Variants in RRBP1 observed in about 807,000 individuals in gnomAD.
The protein encoded by RRBP1 is ribosome binding protein 1, also known as ribosome-binding protein 1.
Under a neutral mutation model 165.2 loss-of-function variants are expected in RRBP1, and 94 were observed. That is an observed-to-expected ratio of 0.57 (90% CI 0.48 to 0.68). RRBP1 has a LOEUF of 0.68. Ranked by LOEUF, RRBP1 falls within the 30% of genes least tolerant of loss-of-function variation. RRBP1 has a pLI of 0.00. For synonymous variants in RRBP1, 680 were observed against 714.5 expected (o/e 0.95, Z 0.77); for missense variants, 1,676 against 1,763.0 (o/e 0.95, Z 0.88).
At chr20:17,633,411 C>A (rs769120529) in intron 8 of RRBP1, 49 bp downstream of exon 8, 2 of 1,586,114 alleles carry the variant, frequency 1.3e-6, no homozygotes, top group Non-Finnish European at 1.7e-6. Flanking sequence ...TGCAGACAGG[C>A]TTGCTGGGCA....
intron 3 of RRBP1, among the ~76,000 whole-genome samples, chr20:17,656,266 C>T (rs530044151): frequency 1.3e-5 from 2 of 152,328 alleles, no homozygotes; most frequent in South Asian, 4.1e-4. Context: ...GTTGGTGGCA[C>T]GTGTGGCCCT....
chr20:17,639,894 C>CA lies in RRBP1; in HGVS notation c.2184+1902dup, dbSNP rs11476981. Among the ~76,000 whole-genome samples, 418 of 98,672 alleles carry CA rather than the reference C, an allele frequency of 4.2e-3. 1 individual carries two copies. Among genetic ancestry groups the CA allele is most frequent in the African/African-American group, 5.8e-3 (147 of 25,374 alleles). The allele number at this position is 98,672 out of a possible 152,430, so 64.7% of individuals were successfully genotyped here. A position where few individuals can be genotyped will look rare whatever the true frequency, so the allele number is the denominator to read the frequency against. On this transcript the variant is annotated intron_variant, in intron 5 of 24. Coordinates refer to ENST00000377813, the MANE Select transcript of RRBP1 (RefSeq NM_001365613.2). ...GGCAATAACAGTGAAACTCCAGTCT[C>CA]AAAAAAAAAAAAAAAAAAAAGAATA...
intron 2 of RRBP1, among the ~76,000 whole-genome samples, chr20:17,669,893 T>G (rs2036944142): frequency 1.3e-5 from 2 of 152,236 alleles, no homozygotes; most frequent in African/African-American, 4.8e-5. Context: ...CAGTTTTGTT[T>G]CTTTCTTCCC....
intron 12 of RRBP1, among the ~76,000 whole-genome samples, chr20:17,625,047 G>A (rs1487686829): frequency 6.6e-6 from 1 of 152,182 alleles, no homozygotes; most frequent in Non-Finnish European, 1.5e-5. Context: ...CAAGGCCAGG[G>A]CCTGCCTTGG....
At chr20:17,620,454 T>G (rs761937352) in intron 17 of RRBP1, 84 bp from the exon 18 acceptor site, 5 of 1,286,984 alleles carry the variant, frequency 3.9e-6, no homozygotes, top group East Asian at 2.3e-5. Context: ...CGAGCGGGAC[T>G]GACCCAACTT....
intron 2 of RRBP1, among the ~76,000 whole-genome samples, chr20:17,662,527 C>A (rs191682389): frequency 1.5e-4 from 23 of 152,240 alleles, no homozygotes; most frequent in African/African-American, 5.3e-4. Context: ...CTCATGGAGG[C>A]CTTTGAATCC....
rs75016100 is a variant in RRBP1, at chr20:17,635,676, C to T, written c.2338-12G>A. ...TGAAGAGTCCGGATCTGGAAAGTCA[C>T]GGGCAAGGGCATCAGAGGCAGCTCG... On this transcript the variant is annotated splice_polypyrimidine_tract_variant and intron_variant, in intron 6 of 24. Coordinates refer to ENST00000377813, the MANE Select transcript of RRBP1 (RefSeq NM_001365613.2). 3.2e-3 allele frequency: 5,096 copies of T among 1,605,400 alleles called. 158 individuals are homozygous for T. The African/African-American group carries it at 0.061, about 19-fold the overall frequency.
chr20:17,669,503 T>C (rs1002319805), intron 2 of RRBP1, among the ~76,000 whole-genome samples: 7 of 152,218 alleles, frequency 4.6e-5, no homozygotes, highest in Admixed American at 3.9e-4. Flanking sequence ...GTGTCATCTA[T>C]ACTGTATCAA....
chr20:17,660,612 G>A, intron 2 of RRBP1, 84 bp from the exon 3 acceptor site: 2 of 814,802 alleles, frequency 2.5e-6, no homozygotes, highest in Non-Finnish European at 4.0e-6. Context: ...CAAACTTCAG[G>A]TTTCACTAAT....
In RRBP1 at chr20:17,642,974, C is replaced by CCCA; in HGVS notation, c.2061+2_2061+4dup. ...TGAGCATGGCCAGCAGGAGGGTGGG[C>CCCA]CCACCTTGTGCCAGGTGTCCTGAAT... On this transcript the variant is annotated splice_donor_region_variant and intron_variant, in intron 4 of 24. Transcript: ENST00000377813. 6.2e-7 allele frequency: 1 copy of CCCA among 1,612,910 alleles called. No homozygotes were observed. The highest frequency in any genetic ancestry group is 8.5e-7 in the Non-Finnish European group (1 of 1,179,260).
Position 17,660,000 on chromosome 20 carries a change from A to G in RRBP1, c.508T>C (p.Leu170=). The part of the protein sequence containing the change: ...IQVLTSKAAI[L]ETAPKEVPMV... The stretch of plus-strand genomic sequence containing the variant: ...GGCACCTCCTTGGGAGCAGTTTCCA[A>G]GATGGCAGCCTTCGAAGTGAGAACC... Residue 170 remains leucine, a synonymous_variant, in exon 3 of 25, where the codon TTG becomes CTG. Transcript: ENST00000377813. 6.2e-7 allele frequency: 1 copy of G among 1,612,000 alleles called. No individual in the cohort carries two copies. The highest frequency in any genetic ancestry group is 8.5e-7 in the Non-Finnish European group (1 of 1,178,974).
intron 13 of RRBP1, among the ~76,000 whole-genome samples, chr20:17,623,868 G>T (rs1600729660): frequency 6.6e-6 from 1 of 151,946 alleles, no homozygotes; most frequent in African/African-American, 2.4e-5. Flanking sequence ...GGAGGCAGGG[G>T]TTGGAGTGAC....
chr20:17,615,949 T>G lies in RRBP1; in HGVS notation c.3928A>C (p.Lys1310Gln). The change falls in exon 22 of 25, where the codon AAG (lysine) becomes CAG (glutamine). Residue 1310 changes from lysine (K) to glutamine (Q), a missense_variant. Lys to Gln is a moderately conservative substitution (Grantham distance 53). Coordinates refer to ENST00000377813, the MANE Select transcript of RRBP1 (RefSeq NM_001365613.2). Reference protein sequence around the residue: ...ILEDEQTQRQKLTAEFEEAQT... With the variant: ...ILEDEQTQRQQLTAEFEEAQT... Reference sequence around the variant, plus strand: ...ACCTCCTCAAACTCGGCCGTGAGCTTCTGCCGCTGTGTCTGCTCATCCTCC... The same window carrying G: ...ACCTCCTCAAACTCGGCCGTGAGCTGCTGCCGCTGTGTCTGCTCATCCTCC... 5 of 1,610,222 alleles carry G rather than the reference T, an allele frequency of 3.1e-6. No individual in the cohort carries two copies. The highest frequency in any genetic ancestry group is 4.2e-6 in the Non-Finnish European group (5 of 1,179,928).
At chr20:17,656,518 G>A (rs1019539553) in intron 3 of RRBP1, among the ~76,000 whole-genome samples, 4 of 152,134 alleles carry the variant, frequency 2.6e-5, no homozygotes, top group African/African-American at 9.7e-5. Context: ...TGAACACACT[G>A]CCCTAGATCA....
chr20:17,638,126 C>T (rs75376418), intron 5 of RRBP1, among the ~76,000 whole-genome samples: 29 of 152,318 alleles, frequency 1.9e-4, no homozygotes, highest in African/African-American at 7.0e-4. Context: ...GACAGCTTAG[C>T]GGTGATTCCA....
intron 8 of RRBP1, 135 bp from the exon 9 acceptor site, chr20:17,630,096 G>A (rs925089073): frequency 9.7e-6 from 9 of 927,744 alleles, no homozygotes; most frequent in South Asian, 4.3e-5. Flanking sequence ...GGAAGGAAAT[G>A]CATCCCTCGA....
At chr20:17,619,449 C>G (rs2035865099) in intron 19 of RRBP1, 184 bp downstream of exon 19, 1 of 488,450 alleles carries the variant, frequency 2.0e-6, no homozygotes, top group Non-Finnish European at 3.6e-6. Flanking sequence ...GAAACCTGCC[C>G]TGAGAGACAC....
rs376266591 is a variant in RRBP1 at position 17,635,513 on chromosome 20, G to A, written c.2456+33C>T. ...AAGCCTTCCTCGCTCCAGGGCCCTTGGGGAGGTGCTGAGGCAGGAAAGCTC... is the reference window on the plus strand; with the variant it reads ...AAGCCTTCCTCGCTCCAGGGCCCTTAGGGAGGTGCTGAGGCAGGAAAGCTC... On this transcript the variant is annotated intron_variant, in intron 7 of 24. Coordinates refer to ENST00000377813, the MANE Select transcript of RRBP1 (RefSeq NM_001365613.2). 1.8e-5 allele frequency: 27 copies of A among 1,512,786 alleles called. No individual in the cohort carries two copies. In the African/African-American group the frequency reaches 2.9e-4, roughly 16 times the overall value. The allele number at this position is 1,512,786 out of a possible 1,614,324, so 93.7% of individuals were successfully genotyped here.
rs776935468 is a variant in RRBP1, at chr20:17,625,649, G to GC, written c.2964-48dup. 10 of 1,511,736 alleles carry GC rather than the reference G, an allele frequency of 6.6e-6. No individual in the cohort carries two copies. In the East Asian group the frequency reaches 2.3e-4, roughly 34 times the overall value. 93.6% of individuals were successfully genotyped at this position (1,511,736 alleles called of 1,614,324 possible). A position where few individuals can be genotyped will look rare whatever the true frequency, so the allele number is the denominator to read the frequency against. ...ACCGCCTAGGCTCCAAGGGGCTACA[G>GC]CCCCTACAGATCCCACCTGAGGCCC... On this transcript the variant is annotated intron_variant, in intron 11 of 24. Coordinates refer to ENST00000377813, the MANE Select transcript of RRBP1 (RefSeq NM_001365613.2).
Sources: allele counts gnomAD v4.1 joint callset (sites outside exome capture counted in the v4.1 genomes callset), GRCh38; gene constraint gnomAD v4.1.1; transcripts MANE v1.5; gene names NCBI Gene and HGNC (gene_info 2026-07-23, HGNC 2026-07-21).